NCALD: variants seen among roughly 807,000 people sequenced by gnomAD.
The protein encoded by NCALD is neurocalcin delta.
Under a neutral mutation model 18.6 loss-of-function variants are expected in NCALD, and 10 were observed. That is an observed-to-expected ratio of 0.54 (90% CI 0.33 to 0.91). The LOEUF (loss-of-function observed/expected upper bound fraction) is 0.91. Among genes scored for constraint, NCALD ranks in the 40% least tolerant of loss-of-function variants. The probability of loss-of-function intolerance (pLI) is 0.03; values close to 1 mark genes in which losing one functional copy is unlikely to be tolerated. For synonymous variants in NCALD, 88 were observed against 87.4 expected (o/e 1.01, Z -0.04); for missense variants, 184 against 247.6 (o/e 0.74, Z 1.72).
chr8:102,054,140 C>T (rs1203999535), intron 1 of NCALD, among the ~76,000 whole-genome samples: 2 of 152,164 alleles, frequency 1.3e-5, no homozygotes, highest in Non-Finnish European at 2.9e-5. Flanking sequence ...CACGTTCAGT[C>T]AGAAACACAT....
intron 1 of NCALD, among the ~76,000 whole-genome samples, chr8:102,033,992 GCT>G (rs1333609912): frequency 2.1e-5 from 3 of 140,612 alleles, no homozygotes; most frequent in Non-Finnish European, 4.6e-5. Context: ...TTTCTTTCTT[GCT>G]CTCTCTCTCC....
At chr8:101,906,763 C>T (rs1282407579) in intron 3 of NCALD, among the ~76,000 whole-genome samples, 7 of 152,168 alleles carry the variant, frequency 4.6e-5, no homozygotes, top group Admixed American at 1.3e-4. Context: ...ATTTGAAGGC[C>T]GCTTTGGGAC....
At position 101,987,080 on chromosome 8, in the gene NCALD, C is replaced by A. The variant is rs1199568060; in HGVS notation, c.-157+33157G>T. On this transcript the variant is annotated intron_variant, in intron 2 of 6. Transcript: ENST00000311028. ...AGGTATAGACAGTATTTAGTGCAAACCTTCATGTCACAGATGAAGACAGTA... is the reference window on the plus strand; with the variant it reads ...AGGTATAGACAGTATTTAGTGCAAAACTTCATGTCACAGATGAAGACAGTA... Among the ~76,000 whole-genome samples, 4 of 152,250 alleles carry A rather than the reference C, an allele frequency of 2.6e-5. No homozygotes were observed. In the East Asian group the frequency reaches 5.8e-4, roughly 22 times the overall value.
At chr8:101,929,135 T>C (rs2131689698) in intron 2 of NCALD, among the ~76,000 whole-genome samples, 1 of 150,992 alleles carries the variant, frequency 6.6e-6, no homozygotes, top group African/African-American at 2.4e-5. Flanking sequence ...ATACATAAAA[T>C]GTTTTCCCCT....
At chr8:102,052,510 A>C (rs1436232577) in intron 1 of NCALD, among the ~76,000 whole-genome samples, 1 of 152,240 alleles carries the variant, frequency 6.6e-6, no homozygotes, top group Non-Finnish European at 1.5e-5. Flanking sequence ...ATTTTCACTT[A>C]TGTTATCTTA....
chr8:101,807,490 C>G (rs1813147714), intron 4 of NCALD, among the ~76,000 whole-genome samples: 1 of 152,036 alleles, frequency 6.6e-6, no homozygotes, highest in South Asian at 2.1e-4. Context: ...GAAACATAGA[C>G]CAGAAAAATT....
intron 1 of NCALD, among the ~76,000 whole-genome samples, chr8:102,061,816 G>A (rs374646775): frequency 3.9e-5 from 6 of 152,098 alleles, no homozygotes; most frequent in African/African-American, 1.2e-4. Context: ...GAAATTTCAC[G>A]TACACACGGA....
chr8:101,942,148 G>A (rs1818981912), intron 2 of NCALD, among the ~76,000 whole-genome samples: 1 of 152,140 alleles, frequency 6.6e-6, no homozygotes, highest in African/African-American at 2.4e-5. Flanking sequence ...CTTGTCTAGA[G>A]AATAGGTGAC....
At chr8:102,086,646 T>C (rs1053124629) in intron 1 of NCALD, among the ~76,000 whole-genome samples, 1 of 152,120 alleles carries the variant, frequency 6.6e-6, no homozygotes, top group African/African-American at 2.4e-5. Flanking sequence ...AAAGAGCAAA[T>C]ACAATCATTT....
At chr8:101,751,174 C>T (rs60677697) in intron 1 of NCALD, among the ~76,000 whole-genome samples, 2,566 of 152,254 alleles carry the variant, frequency 0.017, 99 homozygotes, top group East Asian at 0.11. Context: ...AAATGAAGCT[C>T]TGACACATGC....
chr8:101,872,151 G>A, intron 4 of NCALD: 2 of 1,607,182 alleles, frequency 1.2e-6, no homozygotes, highest in Non-Finnish European at 1.7e-6. Context: ...GTCCACTGAG[G>A]TGCTGATTTA....
rs1187248912 is a variant in NCALD, at chr8:101,790,964, G to A, written c.-122C>T. On this transcript the variant is annotated 5_prime_UTR_variant, in exon 1 of 4. Coordinates refer to ENST00000220931, the MANE Select transcript of NCALD (RefSeq NM_032041.3). ...TCCAGCATCCACCAGATTCTCACAA[G>A]CCTTTGACTGTGTGGACTCAGCCAC... 1 of 152,326 alleles carries A rather than the reference G, an allele frequency of 6.6e-6. No individual in the cohort carries two copies. The highest frequency in any genetic ancestry group is 1.5e-5 in the Non-Finnish European group (1 of 68,110). The allele number at this position is 152,326 out of a possible 1,614,324, so 9.4% of individuals were successfully genotyped here.
intron 2 of NCALD, among the ~76,000 whole-genome samples, chr8:101,985,117 G>A (rs1016046747): frequency 6.6e-6 from 1 of 152,200 alleles, no homozygotes; most frequent in African/African-American, 2.4e-5. Context: ...AACCCCTGAT[G>A]TTCACCTTTG....
chr8:101,779,856 C>T (rs929137742), intron 1 of NCALD: 1 of 151,922 alleles, frequency 6.6e-6, no homozygotes, highest in Non-Finnish European at 1.5e-5. Flanking sequence ...TAAGTTAATC[C>T]TCAATCTCTT....
At chr8:102,004,130 C>T (rs1253379556) in intron 2 of NCALD, among the ~76,000 whole-genome samples, 1,812 of 151,420 alleles carry the variant, frequency 0.012, 37 homozygotes, top group African/African-American at 0.039. Flanking sequence ...CTAGAAAACC[C>T]CACTGTCTCA....
chr8:102,034,302 T>C (rs2132150666), intron 1 of NCALD, among the ~76,000 whole-genome samples: 1 of 152,208 alleles, frequency 6.6e-6, no homozygotes, highest in East Asian at 1.9e-4. Context: ...TAAATGTAAA[T>C]GCACCAACTA....
intron 4 of NCALD, among the ~76,000 whole-genome samples, chr8:101,853,879 C>T (rs1815197606): frequency 3.9e-5 from 6 of 152,168 alleles, no homozygotes; most frequent in Admixed American, 3.9e-4. Flanking sequence ...CCTAGGGTGA[C>T]ATTAAGAAAA....
chr8:101,721,903 G>A (rs79857248), intron 1 of NCALD, among the ~76,000 whole-genome samples: 2,369 of 150,812 alleles, frequency 0.016, 59 homozygotes, highest in African/African-American at 0.055. Context: ...ATGTGCTGGT[G>A]CAATCATGGC....
chr8:101,747,161 A>C (rs1029879903), intron 1 of NCALD, among the ~76,000 whole-genome samples: 9 of 147,914 alleles, frequency 6.1e-5, no homozygotes, highest in Non-Finnish European at 9.0e-5. Context: ...CCTGCCCCAC[A>C]CACACAGAGT....
Sources: gnomAD v4.1 joint callset for allele counts (sites outside exome capture counted in the v4.1 genomes callset) on GRCh38, gnomAD v4.1.1 for gene constraint, MANE v1.5 for transcripts, NCBI Gene and HGNC (gene_info 2026-07-23, HGNC 2026-07-21) for gene names.